ARHGEF33: variants seen among roughly 807,000 people sequenced by gnomAD.
The protein encoded by ARHGEF33 is Rho guanine nucleotide exchange factor 33.
In ARHGEF33, 72 loss-of-function variants were observed where a neutral mutation model predicts 101.9. The ratio of observed to expected loss-of-function variants is 0.71; its 90% confidence interval spans 0.58 to 0.86. ARHGEF33 has a LOEUF of 0.86. Ranked by LOEUF, ARHGEF33 falls within the 40% of genes least tolerant of loss-of-function variation. The pLI is 0.00. For missense variants in ARHGEF33, 1,169 were observed against 1,111.3 expected, an observed-to-expected ratio of 1.05 and a Z score of -0.74; for synonymous variants, 499 against 442.5, an observed-to-expected ratio of 1.13 and a Z score of -1.60.
intron 17 of ARHGEF33, among the ~76,000 whole-genome samples, chr2:38,969,960 T>C (rs1290889582): frequency 6.6e-6 from 1 of 152,190 alleles, no homozygotes; most frequent in East Asian, 1.9e-4. Flanking sequence ...TATATACATC[T>C]TGCAACACTT....
At position 38,960,584 on chromosome 2, in the gene ARHGEF33, C is replaced by G. The variant is rs554044085; in HGVS notation, c.2279C>G (p.Ser760Cys). The G allele has an allele frequency of 4.3e-6, 6 of 1,380,770 alleles. No homozygotes were observed. Among genetic ancestry groups the G allele is most frequent in the Admixed American group, 5.3e-5 (2 of 38,030 alleles). The allele number at this position is 1,380,770 out of a possible 1,614,324, so 85.5% of individuals were successfully genotyped here. Residue 760 changes from serine to cysteine, a missense_variant, in exon 16 of 18, where the codon TCC (serine) becomes TGC (cysteine). Physicochemically the swap from Ser to Cys is moderately radical, Grantham distance 112 (BLOSUM62 -1). Coordinates refer to ENST00000409978, the MANE Select transcript of ARHGEF33 (RefSeq NM_001145451.5). The stretch of plus-strand genomic sequence containing the variant: ...GCCGCCGTCGCCGCCCGCGGCGCAT[C>G]CAGGACCTTCTTCCCCCAACAGAGG... ...AAAAVAARGA[S>C]RTFFPQQRSQ...
chr2:38,918,065 G>A lies in ARHGEF33; in HGVS notation c.-85-1298G>A, dbSNP rs79778788. ...AAACAATCTCTGGCTGATTTAAGCA[G>A]GAGAGGAATTTGTTGAAAGGAGATG... On this transcript the variant is annotated intron_variant, in intron 2 of 17. Transcript: ENST00000409978. 6.5e-3 allele frequency among the ~76,000 whole-genome samples: 995 copies of A among 152,300 alleles called. 22 individuals carry two copies. The East Asian group carries it at 0.071, about 11-fold the overall frequency.
intron 15 of ARHGEF33, 148 bp from the exon 16 acceptor site, chr2:38,959,693 T>C: frequency 1.2e-6 from 1 of 848,082 alleles, no homozygotes; most frequent in Non-Finnish European, 1.8e-6. Flanking sequence ...CGGGGGTTCG[T>C]GGGAGCGCCT....
chr2:38,904,698 A>C (rs1179511724), intron 2 of ARHGEF33, among the ~76,000 whole-genome samples: 1 of 103,662 alleles, frequency 9.6e-6, no homozygotes, highest in Non-Finnish European at 2.2e-5. Context: ...ACGGAGCGAG[A>C]CTCTGTATCA....
intron 4 of ARHGEF33, among the ~76,000 whole-genome samples, chr2:38,926,069 G>A (rs1191323859): frequency 1.3e-5 from 2 of 152,120 alleles, no homozygotes; most frequent in Non-Finnish European, 2.9e-5. Context: ...GGAAGAATTC[G>A]GACTCCTCTC....
chr2:38,910,005 C>A (rs997669587), intron 2 of ARHGEF33, among the ~76,000 whole-genome samples: 1 of 151,622 alleles, frequency 6.6e-6, no homozygotes, highest in African/African-American at 2.4e-5. Context: ...TGTAGGCTAT[C>A]CTAGAGTTGG....
intron 2 of ARHGEF33, among the ~76,000 whole-genome samples, chr2:38,916,105 A>G (rs1349501424): frequency 6.6e-6 from 1 of 152,214 alleles, no homozygotes; most frequent in Non-Finnish European, 1.5e-5. Flanking sequence ...GCATGGGGAT[A>G]TTCTAGCTCA....
chr2:38,975,381 C>T lies in ARHGEF33; in HGVS notation c.*1538C>T, dbSNP rs1489954601. The T allele has an allele frequency of 6.6e-6, 1 of 152,114 alleles. No homozygotes were observed. The highest frequency in any genetic ancestry group is 1.5e-5 in the Non-Finnish European group (1 of 68,012). The allele number at this position is 152,114 out of a possible 1,614,324, so 9.4% of individuals were successfully genotyped here. On this transcript the variant is annotated 3_prime_UTR_variant, in exon 18 of 18. Transcript: ENST00000409978. ...CCGGCAGTGCTTGCAAGCACAACGC[C>T]AAATCGACTGGACGTGGAAAGTGAA...
intron 2 of ARHGEF33, among the ~76,000 whole-genome samples, chr2:38,915,134 G>A (rs1666603816): frequency 6.6e-6 from 1 of 152,020 alleles, no homozygotes; most frequent in Non-Finnish European, 1.5e-5. Flanking sequence ...TTACAGGCAT[G>A]AGCCACTGCA....
intron 9 of ARHGEF33, 47 bp downstream of exon 9, chr2:38,937,606 G>A (rs2124393645): frequency 8.9e-7 from 1 of 1,120,696 alleles, no homozygotes; most frequent in Non-Finnish European, 1.3e-6. Flanking sequence ...AGAACAGGAT[G>A]TACCAGAGCT....
intron 1 of ARHGEF33, among the ~76,000 whole-genome samples, chr2:38,892,531 A>G (rs1038669331): frequency 6.6e-6 from 1 of 152,158 alleles, no homozygotes; most frequent in African/African-American, 2.4e-5. Flanking sequence ...TTTTTGAGAC[A>G]TTTTAAAATG....
At position 38,919,359 on chromosome 2, in the gene ARHGEF33, A is replaced by C; in HGVS notation, c.-85-4A>C. 7.7e-7 allele frequency: 1 copy of C among 1,303,654 alleles called. No individual in the cohort carries two copies. The highest frequency in any genetic ancestry group is 1.1e-6 in the Non-Finnish European group (1 of 921,798). The allele number at this position is 1,303,654 out of a possible 1,614,324, so 80.8% of individuals were successfully genotyped here. A position where few individuals can be genotyped will look rare whatever the true frequency, so the allele number is the denominator to read the frequency against. On this transcript the variant is annotated splice_polypyrimidine_tract_variant and splice_region_variant and intron_variant, in intron 2 of 17. Coordinates refer to ENST00000409978, the MANE Select transcript of ARHGEF33 (RefSeq NM_001145451.5). ...TATCCCTTACTCTTGATTTGAATTG[A>C]CAGGTGCAGGGAAGAGGAGGTGGCC...
At chr2:38,949,498 C>T (rs1047276963) in intron 10 of ARHGEF33, among the ~76,000 whole-genome samples, 6 of 152,116 alleles carry the variant, frequency 3.9e-5, no homozygotes, top group African/African-American at 1.2e-4. Context: ...TCTCTCCTCT[C>T]CACCCCACCC....
intron 2 of ARHGEF33, among the ~76,000 whole-genome samples, chr2:38,897,021 T>C (rs1245316126): frequency 6.6e-6 from 1 of 152,180 alleles, no homozygotes; most frequent in African/African-American, 2.4e-5. Flanking sequence ...GTTCAAGTGA[T>C]TCTTCTGCCT....
chr2:38,930,959 AT>A, intron 6 of ARHGEF33, 149 bp from the exon 7 acceptor site: 1 of 558,862 alleles, frequency 1.8e-6, no homozygotes, highest in Non-Finnish European at 3.0e-6. Flanking sequence ...AATTGCTAGT[AT>A]TTGACCACTT....
intron 2 of ARHGEF33, among the ~76,000 whole-genome samples, chr2:38,896,591 C>T (rs1484884392): frequency 6.6e-6 from 1 of 152,124 alleles, no homozygotes; most frequent in African/African-American, 2.4e-5. Flanking sequence ...ACTATTATGC[C>T]CACTTGACAG....
chr2:38,960,881 C>A (rs1166245603), intron 16 of ARHGEF33, among the ~76,000 whole-genome samples: 5 of 152,158 alleles, frequency 3.3e-5, no homozygotes, highest in African/African-American at 1.2e-4. Flanking sequence ...TTCTCCAGTA[C>A]CAGGACCCAA....
At chr2:38,954,347 A>T in intron 12 of ARHGEF33, 26 bp from the exon 13 acceptor site, 1 of 1,409,084 alleles carries the variant, frequency 7.1e-7, no homozygotes. Flanking sequence ...AACACTGAAG[A>T]GTAACTTGAC....
chr2:38,926,370 A>G (rs1316992739), intron 4 of ARHGEF33, among the ~76,000 whole-genome samples: 2 of 152,234 alleles, frequency 1.3e-5, no homozygotes, highest in Admixed American at 6.5e-5. Flanking sequence ...CACAGTATTC[A>G]TAGTTTACAA....
Sources: gnomAD v4.1 joint callset for allele counts (sites outside exome capture counted in the v4.1 genomes callset) on GRCh38, gnomAD v4.1.1 for gene constraint, MANE v1.5 for transcripts, NCBI Gene and HGNC (gene_info 2026-07-23, HGNC 2026-07-21) for gene names.